TIE1: variants seen among roughly 807,000 people sequenced by gnomAD.
TIE1 encodes the protein tyrosine-protein kinase receptor Tie-1.
In TIE1, 89 loss-of-function variants were observed where a neutral mutation model predicts 130.5. The ratio of observed to expected loss-of-function variants is 0.68; its 90% CI spans 0.57 to 0.81. The LOEUF (loss-of-function observed/expected upper bound fraction) is 0.81. Ranked by LOEUF, TIE1 falls within the 40% of genes least tolerant of loss-of-function variation. The pLI is 0.00. For missense variants in TIE1, 1,392 were observed against 1,559.8 expected, an observed-to-expected ratio of 0.89 and a Z score of 1.81; for synonymous variants, 568 against 629.4, an observed-to-expected ratio of 0.90 and a Z score of 1.46.
Position 43,313,543 on chromosome 1 carries a change from GAGTC to G in TIE1, c.2218+121_2218+124del. 1.5e-6 allele frequency: 2 copies of G among 1,335,778 alleles called. No individual in the cohort carries two copies. Among genetic ancestry groups the G allele is most frequent in the Non-Finnish European group, 2.0e-6 (2 of 976,434 alleles). The allele number at this position is 1,335,778 out of a possible 1,614,324, so 82.7% of individuals were successfully genotyped here. Reference sequence around the variant, plus strand: ...GGCATCCCAGGCCCCTCCTGACAAAGAGTCAGCCCCAGTCCTGGGGACTCAGCCT... The same window carrying G: ...GGCATCCCAGGCCCCTCCTGACAAAGAGCCCCAGTCCTGGGGACTCAGCCT... On this transcript the variant is annotated intron_variant, in intron 13 of 22. Coordinates refer to ENST00000372476, the MANE Select transcript of TIE1 (RefSeq NM_005424.5). This position sits in a 1 kb window ranked among gnomAD's most constrained non-coding sequence, Gnocchi z 6.2.
chr1:43,316,714 C>A lies in TIE1; in HGVS notation c.2410-485C>A, dbSNP rs796620897. 9.9e-5 allele frequency among the ~76,000 whole-genome samples: 15 copies of A among 152,258 alleles called. No individual in the cohort carries two copies. Among genetic ancestry groups the A allele is most frequent in the African/African-American group, 3.6e-4 (15 of 41,540 alleles). On this transcript the variant is annotated intron_variant, in intron 14 of 22. Transcript: ENST00000372476. The surrounding 1 kb of genome is among the most constrained non-coding windows in gnomAD (Gnocchi z 4.4). Reference sequence around the variant, plus strand: ...AGGTGCTCAATAAATGTCCCCTGGCCTACTCCCTAAGGCTGGAATCTTCTC... The same window carrying A: ...AGGTGCTCAATAAATGTCCCCTGGCATACTCCCTAAGGCTGGAATCTTCTC...
chr1:43,321,248 A>C, intron 19 of TIE1, 21 bp from the exon 20 acceptor site: 1 of 1,613,792 alleles, frequency 6.2e-7, no homozygotes, highest in South Asian at 1.1e-5. Flanking sequence ...AAGGTAACTA[A>C]GTGCATCCTT....
At chr1:43,308,571 A>G (rs1182197151) in intron 7 of TIE1, among the ~76,000 whole-genome samples, 1 of 152,176 alleles carries the variant, frequency 6.6e-6, no homozygotes, top group Admixed American at 6.5e-5. Flanking sequence ...TTTGCACTTC[A>G]TATGATGGGG....
chr1:43,313,215 C>G lies in TIE1; in HGVS notation c.2008C>G (p.Leu670Val). Reference sequence around the variant, plus strand: ...GCTGACATGGAAGCACCCGGAGGCTCTGCCTGGGCCAATATCCAAGTACGT... The same window carrying G: ...GCTGACATGGAAGCACCCGGAGGCTGTGCCTGGGCCAATATCCAAGTACGT... Reference protein sequence around the residue: ...IQLTWKHPEALPGPISKYVVE... With the variant: ...IQLTWKHPEAVPGPISKYVVE... The change falls in exon 13 of 23, where the codon CTG becomes GTG. Residue 670 changes from leucine (L) to valine (V), a missense_variant. Physicochemically the swap from Leu to Val is conservative, Grantham distance 32. Coordinates refer to ENST00000372476, the MANE Select transcript of TIE1 (RefSeq NM_005424.5). This position sits in a 1 kb window ranked among gnomAD's most constrained non-coding sequence, Gnocchi z 6.2. 2 of 1,613,990 alleles carry G rather than the reference C, an allele frequency of 1.2e-6. No individual in the cohort carries two copies. The highest frequency in any genetic ancestry group is 1.7e-6 in the Non-Finnish European group (2 of 1,179,920).
chr1:43,317,915 A>G lies in TIE1; in HGVS notation c.2765A>G (p.Tyr922Cys), dbSNP rs1646875815. Residue 922 changes from tyrosine to cysteine, a missense_variant, in exon 17 of 23, where the codon TAC becomes TGC. By Grantham distance (194) the Tyr-to-Cys change is radical. Around this residue, in one of 6 missense-constraint regions of TIE1, gnomAD observed 286 missense variants for 354.4 expected, o/e 0.81. Transcript: ENST00000372476. The surrounding 1 kb of genome is among the most constrained non-coding windows in gnomAD (Gnocchi z 5.1). ...YLYIAIEYAP[Y>C]GNLLDFLRKS... ...TATATCGCTATTGAATATGCCCCCT[A>G]CGGGAACCTGCTAGATTTTCTGCGG... 2.5e-6 allele frequency: 4 copies of G among 1,614,070 alleles called. No individual in the cohort carries two copies. The highest frequency in any genetic ancestry group is 2.5e-6 in the Non-Finnish European group (3 of 1,179,990).
rs1326337162 is a variant in TIE1 at position 43,318,536 on chromosome 1, CT to C, written c.2922+470del. 1.3e-5 allele frequency among the ~76,000 whole-genome samples: 2 copies of C among 151,244 alleles called. No individual in the cohort carries two copies. The highest frequency in any genetic ancestry group is 4.9e-5 in the African/African-American group (2 of 41,098). Reference sequence around the variant, plus strand: ...TTTTTTTTTTTGAGACTGAGTCTCACTTTTTTGCCCAGGCTGGAGTGCAGTG... The same window carrying C: ...TTTTTTTTTTTGAGACTGAGTCTCACTTTTTGCCCAGGCTGGAGTGCAGTG... On this transcript the variant is annotated intron_variant, in intron 17 of 22. Transcript: ENST00000372476. The surrounding 1 kb of genome is among the most constrained non-coding windows in gnomAD (Gnocchi z 4.4).
Position 43,313,253 on chromosome 1 carries a change from G to C in TIE1, c.2046G>C (p.Gln682His), listed in dbSNP as rs1358644826. The C allele has an allele frequency of 1.2e-6, 2 of 1,614,060 alleles. No homozygotes were observed. Among genetic ancestry groups the C allele is most frequent in the Admixed American group, 1.7e-5 (1 of 60,010 alleles). ...GPISKYVVEVQVAGGAGDPLW... is the reference protein window; with the variant it reads ...GPISKYVVEVHVAGGAGDPLW... ...TATCCAAGTACGTTGTGGAGGTGCA[G>C]GTGGCTGGGGGTGCAGGAGACCCAC... Residue 682 changes from glutamine (Q) to histidine (H), a missense_variant, in exon 13 of 23, where the codon CAG (glutamine) becomes CAC (histidine). By Grantham distance (24) the Gln-to-His change is conservative. Around this residue, in one of 6 missense-constraint regions of TIE1, gnomAD observed 551 missense variants for 565.5 expected, o/e 0.97. Transcript: ENST00000372476. This position sits in a 1 kb window ranked among gnomAD's most constrained non-coding sequence, Gnocchi z 6.2.
chr1:43,304,916 A>C lies in TIE1; in HGVS notation c.124A>C (p.Thr42Pro), dbSNP rs1646708727. ...CACGGACCCCCAGCGCTTCTTCCTG[A>C]CTTGCGTGTCTGGGGAGGCCGGGGC... is the stretch of plus-strand genomic sequence containing the variant. The part of the protein sequence containing the change: ...RLTDPQRFFL[T>P]CVSGEAGAGR... The change falls in exon 2 of 23, where the codon ACT becomes CCT. Residue 42 changes from threonine (T) to proline (P), a missense_variant. Thr to Pro is a conservative substitution (Grantham distance 38). Transcript: ENST00000372476. The C allele has an allele frequency of 7.0e-7, 1 of 1,438,048 alleles. No homozygotes were observed. Among genetic ancestry groups the C allele is most frequent in the Admixed American group, 2.9e-5 (1 of 34,422 alleles). 89.1% of individuals were successfully genotyped at this position (1,438,048 alleles called of 1,614,324 possible).
At position 43,313,761 on chromosome 1, in the gene TIE1, CCT is replaced by C. The variant is rs2153912135; in HGVS notation, c.2219-13_2219-12del. 6.2e-7 allele frequency: 1 copy of C among 1,601,302 alleles called. No homozygotes were observed. The highest frequency in any genetic ancestry group is 8.5e-7 in the Non-Finnish European group (1 of 1,172,442). On this transcript the variant is annotated splice_polypyrimidine_tract_variant and intron_variant, in intron 13 of 22. Transcript: ENST00000372476. The surrounding 1 kb of genome is among the most constrained non-coding windows in gnomAD (Gnocchi z 6.2). ...GACCCAGGTGTCCCCACAATCTGCC[CCT>C]CTCACTGTGTCCAGGGCTGCAGGCT... is the stretch of plus-strand genomic sequence containing the variant.
chr1:43,322,580 T>C lies in TIE1; in HGVS notation c.3346-71T>C. On this transcript the variant is annotated intron_variant, in intron 22 of 22. Transcript: ENST00000372476. The surrounding 1 kb of genome is among the most constrained non-coding windows in gnomAD (Gnocchi z 4.0). ...TGTCAGTTCAAATGCCCCCACCACA[T>C]GGAAGTCCAGGAGCTTGAGGCCAGA... is the stretch of plus-strand genomic sequence containing the variant. 1 of 1,206,070 alleles carries C rather than the reference T, an allele frequency of 8.3e-7. No homozygotes were observed. Among genetic ancestry groups the C allele is most frequent in the Non-Finnish European group, 1.2e-6 (1 of 815,960 alleles). The allele number at this position is 1,206,070 out of a possible 1,614,324, so 74.7% of individuals were successfully genotyped here.
chr1:43,308,032 T>G, intron 7 of TIE1, 108 bp downstream of exon 7: 1 of 1,492,814 alleles, frequency 6.7e-7, no homozygotes, highest in South Asian at 1.3e-5. Flanking sequence ...AGGGTCCAAG[T>G]CCTGCCCTCA....
Position 43,322,838 on chromosome 1 carries a change from CT to C in TIE1, c.*118del. ...AAGCTGCCTCAAGGAATTTTTTTAA[CT>C]TAAGGGAGAAAAAAAGGGATCTGGG... On this transcript the variant is annotated 3_prime_UTR_variant, in exon 23 of 23. Transcript: ENST00000372476. This position sits in a 1 kb window ranked among gnomAD's most constrained non-coding sequence, Gnocchi z 4.0. 1 of 968,440 alleles carries C rather than the reference CT, an allele frequency of 1.0e-6. No individual in the cohort carries two copies. Among genetic ancestry groups the C allele is most frequent in the East Asian group, 2.7e-5 (1 of 37,508 alleles). 60.0% of individuals were successfully genotyped at this position (968,440 alleles called of 1,614,324 possible).
In TIE1 at chr1:43,300,998, G is replaced by C; in HGVS notation, c.-74G>C. 6.5e-7 allele frequency: 1 copy of C among 1,547,114 alleles called. No individual in the cohort carries two copies. Among genetic ancestry groups the C allele is most frequent in the East Asian group, 2.3e-5 (1 of 43,924 alleles). On this transcript the variant is annotated 5_prime_UTR_variant, in exon 1 of 23. Transcript: ENST00000372476. ...CACCGACCCACACTGACCAACACAG[G>C]CTGAGCAGTCAGGCCCACAGCATCT... is the stretch of plus-strand genomic sequence containing the variant.
At chr1:43,311,852 C>A in intron 10 of TIE1, 23 bp downstream of exon 10, 11 of 1,608,526 alleles carry the variant, frequency 6.8e-6, no homozygotes, top group Non-Finnish European at 7.6e-6. Context: ...AGAGCTGGGG[C>A]AGGACAGAGG....
chr1:43,312,899 G>T lies in TIE1; in HGVS notation c.1928-236G>T, dbSNP rs1041900170. 6.6e-5 allele frequency among the ~76,000 whole-genome samples: 10 copies of T among 152,070 alleles called. No individual in the cohort carries two copies. Among genetic ancestry groups the T allele is most frequent in the African/African-American group, 2.2e-4 (9 of 41,394 alleles). On this transcript the variant is annotated intron_variant, in intron 12 of 22. Transcript: ENST00000372476. The surrounding 1 kb of genome is among the most constrained non-coding windows in gnomAD (Gnocchi z 5.6). Reference sequence around the variant, plus strand: ...GAGACTTGCGGAACACAGGGCATGGGCGGATGTGGAGAGGACTTGGGATAC... The same window carrying T: ...GAGACTTGCGGAACACAGGGCATGGTCGGATGTGGAGAGGACTTGGGATAC...
chr1:43,309,553 AC>A lies in TIE1; in HGVS notation c.1333+22del. The stretch of plus-strand genomic sequence containing the variant: ...GAAAGGTCAGTGATGTCCTAGGTCC[AC>A]AGGGAATGGACGGTGAGCAGAGTAG... On this transcript the variant is annotated intron_variant, in intron 9 of 22. Transcript: ENST00000372476. This position sits in a 1 kb window ranked among gnomAD's most constrained non-coding sequence, Gnocchi z 6.3. 1 of 1,560,684 alleles carries A rather than the reference AC, an allele frequency of 6.4e-7. No individual in the cohort carries two copies. Among genetic ancestry groups the A allele is most frequent in the Non-Finnish European group, 8.6e-7 (1 of 1,157,260 alleles).
chr1:43,311,417 C>T (rs1462389127), intron 9 of TIE1, among the ~76,000 whole-genome samples: 1 of 151,960 alleles, frequency 6.6e-6, no homozygotes, highest in Non-Finnish European at 1.5e-5. Flanking sequence ...GGGAAGAGTG[C>T]ACCCCCAAAC....
At chr1:43,310,804 C>T (rs965767068) in intron 9 of TIE1, among the ~76,000 whole-genome samples, 1 of 152,158 alleles carries the variant, frequency 6.6e-6, no homozygotes, top group Non-Finnish European at 1.5e-5. Context: ...TTCATCTCCC[C>T]GCAAATCAGC....
At chr1:43,311,920 G>T in intron 10 of TIE1, 74 bp from the exon 11 acceptor site, 1 of 1,567,686 alleles carries the variant, frequency 6.4e-7, no homozygotes, top group Non-Finnish European at 8.7e-7. Flanking sequence ...ATGGTGCGAG[G>T]GGGCTGAAGG....
Sources: gnomAD v4.1 joint callset for allele counts (sites outside exome capture counted in the v4.1 genomes callset) on GRCh38, gnomAD v4.1.1 for gene constraint, gnomAD v4.1.1 regional missense constraint, Gnocchi (gnomAD v3.1) non-coding constraint, MANE v1.5 for transcripts, NCBI Gene and HGNC (gene_info 2026-07-23, HGNC 2026-07-21) for gene names.